Variants in COG5 observed in about 807,000 individuals in gnomAD.
The protein encoded by COG5 is conserved oligomeric Golgi complex subunit 5.
COG5 carries 86 observed loss-of-function variants against 110.4 expected under a neutral mutation model. The ratio of observed to expected loss-of-function variants is 0.78; its 90% CI spans 0.65 to 0.93. The LOEUF (loss-of-function observed/expected upper bound fraction) is 0.93, where lower values mean the gene tolerates loss of function less well. Ranked by LOEUF, COG5 falls within the 40% of genes least tolerant of loss-of-function variation. The pLI is 0.00. For synonymous variants in COG5, 360 were observed against 334.6 expected (o/e 1.08, Z -0.83); for missense variants, 1,077 against 987.0 (o/e 1.09, Z -1.22).
intron 6 of COG5, among the ~76,000 whole-genome samples, chr7:107,497,120 G>A (rs184486336): frequency 1.6e-4 from 25 of 152,256 alleles, no homozygotes; most frequent in Admixed American, 1.1e-3. Flanking sequence ...TGAGGCAAGA[G>A]GCTCACTTGA....
chr7:107,347,629 T>A (rs1288667294), intron 10 of COG5, among the ~76,000 whole-genome samples: 1 of 152,214 alleles, frequency 6.6e-6, no homozygotes, highest in Non-Finnish European at 1.5e-5. Context: ...GAGATGGATA[T>A]GTGAATTACC....
At chr7:107,531,396 G>A (rs554164907) in intron 5 of COG5, among the ~76,000 whole-genome samples, 1 of 152,164 alleles carries the variant, frequency 6.6e-6, no homozygotes, top group African/African-American at 2.4e-5. Flanking sequence ...GATATTCAAT[G>A]TCAAAATCCA....
chr7:107,529,249 T>C (rs1323421036), intron 5 of COG5, among the ~76,000 whole-genome samples: 1 of 152,148 alleles, frequency 6.6e-6, no homozygotes, highest in African/African-American at 2.4e-5. Flanking sequence ...TTGCAGGTAG[T>C]TAGACAGTCA....
At chr7:107,218,660 T>G (rs940236953) in intron 19 of COG5, among the ~76,000 whole-genome samples, 15 of 152,014 alleles carry the variant, frequency 9.9e-5, no homozygotes, top group Admixed American at 7.9e-4. Context: ...TAAAGAAGAA[T>G]AATTTGGACC....
At chr7:107,346,745 C>T (rs1217453590) in intron 10 of COG5, among the ~76,000 whole-genome samples, 2 of 151,632 alleles carry the variant, frequency 1.3e-5, no homozygotes, top group Non-Finnish European at 2.9e-5. Flanking sequence ...GGTACATGTG[C>T]ACAATCTGCA....
At position 107,474,052 on chromosome 7, in the gene COG5, T is replaced by G; in HGVS notation, c.538+53185A>C. ...CTTTCTAGGGAAAAAAACCAACTGC[T>G]CCAAAAGAATGTGTTTTTCTCCCAT... On this transcript the variant is annotated intron_variant, in intron 6 of 21. Transcript: ENST00000297135. The surrounding 1 kb of genome is among the most constrained non-coding windows in gnomAD (Gnocchi z 5.7). 1 of 1,485,878 alleles carries G rather than the reference T, an allele frequency of 6.7e-7. No homozygotes were observed. The highest frequency in any genetic ancestry group is 9.2e-7 in the Non-Finnish European group (1 of 1,092,648). The allele number at this position is 1,485,878 out of a possible 1,614,324, so 92.0% of individuals were successfully genotyped here.
chr7:107,353,031 G>A (rs1812303382), intron 10 of COG5, among the ~76,000 whole-genome samples: 1 of 152,066 alleles, frequency 6.6e-6, no homozygotes, highest in Admixed American at 6.6e-5. Context: ...CTCTTAACTG[G>A]TTTTAAAGAT....
Position 107,474,143 on chromosome 7 carries a change from C to T in COG5, c.538+53094G>A, listed in dbSNP as rs141612463. 1.1e-4 allele frequency: 177 copies of T among 1,606,594 alleles called. No individual in the cohort carries two copies. Among genetic ancestry groups the T allele is most frequent in the Middle Eastern group, 3.3e-4 (2 of 6,042 alleles). On this transcript the variant is annotated intron_variant, in intron 6 of 21. Transcript: ENST00000297135. The surrounding 1 kb of genome is among the most constrained non-coding windows in gnomAD (Gnocchi z 5.7). Reference sequence around the variant, plus strand: ...CGAGATGACATTGATGACATCAACACCAATATGTACCAACCACTATCATAT... The same window carrying T: ...CGAGATGACATTGATGACATCAACATCAATATGTACCAACCACTATCATAT...
chr7:107,301,863 T>C (rs183280431), intron 11 of COG5, among the ~76,000 whole-genome samples: 173 of 151,832 alleles, frequency 1.1e-3, no homozygotes, highest in African/African-American at 3.5e-3. Flanking sequence ...AGTGAGACTC[T>C]GCCTCAAAAA....
rs1026393718 is a variant in COG5, at chr7:107,209,048, T to C, written c.2375+1478A>G. 9 of 983,452 alleles carry C rather than the reference T, an allele frequency of 9.2e-6. No individual in the cohort carries two copies. The African/African-American group carries it at 1.6e-4, about 17-fold the overall frequency. 60.9% of individuals were successfully genotyped at this position (983,452 alleles called of 1,614,324 possible). A position where few individuals can be genotyped will look rare whatever the true frequency, so the allele number is the denominator to read the frequency against. On this transcript the variant is annotated intron_variant, in intron 21 of 21. Transcript: ENST00000297135. ...CCTGGGCACTAGGAATTTTCCAAGC[T>C]ATGTAAATGATTCTTGTGTGCACAT...
At chr7:107,217,475 T>C (rs757860588) in intron 19 of COG5, among the ~76,000 whole-genome samples, 1 of 152,088 alleles carries the variant, frequency 6.6e-6, no homozygotes, top group Non-Finnish European at 1.5e-5. Context: ...GATATGAAGA[T>C]ACAAAATCCT....
intron 17 of COG5, among the ~76,000 whole-genome samples, chr7:107,240,428 C>G (rs1435879214): frequency 6.6e-6 from 1 of 152,160 alleles, no homozygotes; most frequent in African/African-American, 2.4e-5. Context: ...GTTGGCCAGG[C>G]TGGTCTCAAA....
intron 11 of COG5, among the ~76,000 whole-genome samples, chr7:107,306,299 A>G (rs1241053256): frequency 3.4e-4 from 51 of 152,184 alleles, no homozygotes. Flanking sequence ...ATTTGCCCCA[A>G]GTTAATGTTT....
intron 19 of COG5, among the ~76,000 whole-genome samples, chr7:107,229,462 C>T (rs535091253): frequency 1.2e-4 from 19 of 152,158 alleles, no homozygotes; most frequent in South Asian, 8.3e-4. Flanking sequence ...AACAAAATAT[C>T]TTCTTCTGTT....
At chr7:107,555,283 T>A (rs1803223955) in intron 2 of COG5, among the ~76,000 whole-genome samples, 1 of 152,222 alleles carries the variant, frequency 6.6e-6, no homozygotes, top group Admixed American at 6.5e-5. Flanking sequence ...CACAAAATCA[T>A]GCAAATCTTT....
intron 8 of COG5, among the ~76,000 whole-genome samples, chr7:107,370,745 A>T (rs1192787302): frequency 6.6e-6 from 1 of 150,568 alleles, no homozygotes; most frequent in Non-Finnish European, 1.5e-5. Context: ...AAGATCGTGC[A>T]ATTGCATTCT....
chr7:107,210,198 A>T (rs1260888567), intron 21 of COG5: 1 of 1,169,110 alleles, frequency 8.6e-7, no homozygotes. Flanking sequence ...ATAAAAATGA[A>T]GTAAAAGATG....
intron 21 of COG5, chr7:107,208,548 G>C (rs1441950112): frequency 2.0e-6 from 2 of 985,288 alleles, no homozygotes; most frequent in Admixed American, 6.1e-5. Flanking sequence ...TTTGGGACTC[G>C]GGAAAAATAA....
At position 107,548,585 on chromosome 7, in the gene COG5, C is replaced by A. The variant is rs111300902; in HGVS notation, c.293-253G>T. 3.0e-3 allele frequency among the ~76,000 whole-genome samples: 462 copies of A among 152,260 alleles called. 5 individuals carry two copies. The highest frequency in any genetic ancestry group is 0.01 in the African/African-American group (434 of 41,546). The stretch of plus-strand genomic sequence containing the variant: ...TGCTTAATGGATATGGGGTTTCCAT[C>A]TGGGGTGATGGAAAAGTTATGGACC... On this transcript the variant is annotated intron_variant, in intron 3 of 21. Transcript: ENST00000297135.
Sources: allele counts gnomAD v4.1 joint callset (sites outside exome capture counted in the v4.1 genomes callset), GRCh38; gene constraint gnomAD v4.1.1; non-coding constraint Gnocchi (gnomAD v3.1); transcripts MANE v1.5; gene names NCBI Gene and HGNC (gene_info 2026-07-23, HGNC 2026-07-21).